Variants in MAP4K3 observed in about 807,000 individuals in gnomAD.
MAP4K3 encodes mitogen-activated protein kinase kinase kinase kinase 3, also known as MAPK/ERK kinase kinase kinase 3.
Under a neutral mutation model 143.5 loss-of-function variants are expected in MAP4K3, and 94 were observed. The ratio of observed to expected loss-of-function variants is 0.65; its 90% CI spans 0.55 to 0.78. The LOEUF (loss-of-function observed/expected upper bound fraction) is 0.78. Ranked by LOEUF, MAP4K3 falls within the 30% of genes least tolerant of loss-of-function variation. The pLI is 0.00. For synonymous variants in MAP4K3, 416 were observed against 347.2 expected, an observed-to-expected ratio of 1.20 and a Z score of -2.20; for missense variants, 1,077 against 1,068.1, an observed-to-expected ratio of 1.01 and a Z score of -0.12.
intron 33 of MAP4K3, 145 bp downstream of exon 33, chr2:39,251,685 T>G (rs1680159561): frequency 1.5e-6 from 1 of 650,314 alleles, no homozygotes; most frequent in South Asian, 2.3e-5. Flanking sequence ...AGGCTAACTT[T>G]CTGACCTGTG....
chr2:39,290,760 C>A (rs1401226095), intron 18 of MAP4K3, among the ~76,000 whole-genome samples: 1 of 152,160 alleles, frequency 6.6e-6, no homozygotes, highest in East Asian at 1.9e-4. Flanking sequence ...TCTTATACCA[C>A]TGTAGGATGA....
In MAP4K3 at chr2:39,325,605, C is replaced by A; in HGVS notation, c.831G>T (p.Leu277Phe). The A allele has an allele frequency of 1.2e-6, 2 of 1,612,952 alleles. No individual in the cohort carries two copies. Among genetic ancestry groups the A allele is most frequent in the Non-Finnish European group, 1.7e-6 (2 of 1,179,524 alleles). ...LLQHPFVTQH[L>F]TRSLAIELLD... ...ACAGCTCGATTGCCAAAGACCGTGT[C>A]AAATGTTGTGTTACAAAAGGATGCT... The change falls in exon 12 of 34, where the codon TTG becomes TTT. Residue 277 changes from leucine (L) to phenylalanine (F), a missense_variant. Transcript: ENST00000263881.
intron 3 of MAP4K3, among the ~76,000 whole-genome samples, chr2:39,355,798 A>T (rs1274991279): frequency 1.3e-5 from 2 of 152,204 alleles, no homozygotes; most frequent in African/African-American, 2.4e-5. Flanking sequence ...TACTGAGATG[A>T]TTATAGTTCC....
intron 32 of MAP4K3, 146 bp downstream of exon 32, chr2:39,254,304 G>C: frequency 1.7e-6 from 1 of 597,634 alleles, no homozygotes; most frequent in Middle Eastern, 3.6e-4. Flanking sequence ...ATAGAGTATG[G>C]GCTACTGACT....
Position 39,250,410 on chromosome 2 carries a change from C to T in MAP4K3, c.*208G>A, listed in dbSNP as rs1398989031. 2 of 497,434 alleles carry T rather than the reference C, an allele frequency of 4.0e-6. No homozygotes were observed. The highest frequency in any genetic ancestry group is 3.1e-5 in the East Asian group (1 of 32,150). The allele number at this position is 497,434 out of a possible 1,614,324, so 30.8% of individuals were successfully genotyped here. ...GCCTATATGTACAAAGATTACATAACAATGAATTAAGCACTTGTGTGGTTC... is the reference window on the plus strand; with the variant it reads ...GCCTATATGTACAAAGATTACATAATAATGAATTAAGCACTTGTGTGGTTC... On this transcript the variant is annotated 3_prime_UTR_variant, in exon 34 of 34. Transcript: ENST00000263881.
chr2:39,324,625 C>A (rs1683428130), intron 12 of MAP4K3, among the ~76,000 whole-genome samples: 1 of 152,134 alleles, frequency 6.6e-6, no homozygotes, highest in African/African-American at 2.4e-5. Flanking sequence ...TCTTTCTAAA[C>A]ACTTCACCTT....
At chr2:39,424,613 T>A (rs1665004587) in intron 1 of MAP4K3, among the ~76,000 whole-genome samples, 1 of 151,974 alleles carries the variant, frequency 6.6e-6, no homozygotes. Context: ...GAGGATTGCC[T>A]GAGCCCAGGA....
intron 13 of MAP4K3, among the ~76,000 whole-genome samples, chr2:39,310,569 C>G: frequency 6.6e-6 from 1 of 150,854 alleles, no homozygotes; most frequent in Non-Finnish European, 1.5e-5. Context: ...GTAGATATCT[C>G]TTAGATATAC....
intron 1 of MAP4K3, among the ~76,000 whole-genome samples, chr2:39,398,528 C>T (rs1371799515): frequency 1.3e-5 from 2 of 151,680 alleles, no homozygotes; most frequent in African/African-American, 2.4e-5. Context: ...AACAAGACTT[C>T]TCAGGGGATA....
intron 1 of MAP4K3, among the ~76,000 whole-genome samples, chr2:39,385,929 G>A (rs1666493861): frequency 6.6e-6 from 1 of 152,122 alleles, no homozygotes; most frequent in Non-Finnish European, 1.5e-5. Context: ...ACTGCACCCA[G>A]CCAAATGTTT....
chr2:39,345,481 A>AG (rs1433868025), intron 3 of MAP4K3, among the ~76,000 whole-genome samples: 4 of 152,192 alleles, frequency 2.6e-5, no homozygotes, highest in African/African-American at 9.7e-5. Context: ...GGGTAGTAGC[A>AG]GAATTAGCTG....
chr2:39,401,764 G>A (rs946481100), intron 1 of MAP4K3, among the ~76,000 whole-genome samples: 3 of 152,058 alleles, frequency 2.0e-5, no homozygotes, highest in Non-Finnish European at 4.4e-5. Flanking sequence ...TGGCAATACT[G>A]CACTCCGGCC....
Position 39,258,500 on chromosome 2 carries a change from T to C in MAP4K3, c.2377+19A>G. 1.2e-6 allele frequency: 2 copies of C among 1,609,376 alleles called. No individual in the cohort carries two copies. Among genetic ancestry groups the C allele is most frequent in the Non-Finnish European group, 1.7e-6 (2 of 1,175,968 alleles). On this transcript the variant is annotated intron_variant, in intron 30 of 33. Transcript: ENST00000263881. ...AAAGAAGTCTTATTAAAGTAAGACA[T>C]TCATAAATAAAAACTTACAGTCCAA...
intron 13 of MAP4K3, among the ~76,000 whole-genome samples, chr2:39,312,723 ACACAT>A (rs1241065148): frequency 6.6e-6 from 1 of 152,272 alleles, no homozygotes; most frequent in Non-Finnish European, 1.5e-5. Flanking sequence ...ACAATTGATC[ACACAT>A]CAAAGATTAC....
intron 31 of MAP4K3, 87 bp downstream of exon 31, chr2:39,258,258 TTAA>T (rs1680426727): frequency 2.2e-6 from 2 of 918,988 alleles, no homozygotes; most frequent in African/African-American, 1.7e-5. Flanking sequence ...AAAAAGAATC[TTAA>T]TAATATCAAT....
At chr2:39,374,040 C>T (rs1001479773) in intron 2 of MAP4K3, among the ~76,000 whole-genome samples, 5 of 152,098 alleles carry the variant, frequency 3.3e-5, no homozygotes, top group Non-Finnish European at 7.4e-5. Flanking sequence ...TTATGCATTG[C>T]GTGTCTGTAT....
intron 2 of MAP4K3, among the ~76,000 whole-genome samples, chr2:39,366,146 A>G (rs72927131): frequency 0.022 from 3,313 of 152,174 alleles, 128 homozygotes; most frequent in African/African-American, 0.077. Flanking sequence ...CTGAGAACAT[A>G]TGCCCAAGGT....
At chr2:39,367,549 A>G (rs2148566823) in intron 2 of MAP4K3, among the ~76,000 whole-genome samples, 1 of 152,166 alleles carries the variant, frequency 6.6e-6, no homozygotes. Flanking sequence ...AAAAAAACAA[A>G]AAAAGAAAAG....
chr2:39,258,886 C>G (rs1680451905), intron 29 of MAP4K3, among the ~76,000 whole-genome samples: 1 of 152,152 alleles, frequency 6.6e-6, no homozygotes. Flanking sequence ...TATAATGCAA[C>G]TTTTCTTCTT....
Sources: allele counts gnomAD v4.1 joint callset (sites outside exome capture counted in the v4.1 genomes callset), GRCh38; gene constraint gnomAD v4.1.1; transcripts MANE v1.5; gene names NCBI Gene and HGNC (gene_info 2026-07-23, HGNC 2026-07-21).